The following CELF4 variants were observed in gnomAD, a reference collection of about 807,000 sequenced individuals.
The protein encoded by CELF4 is CUG-BP- and ETR-3-like factor 4.
A neutral mutation model predicts 59.9 loss-of-function variants in CELF4; 18 were observed. The ratio of observed to expected loss-of-function variants is 0.30; its 90% CI spans 0.21 to 0.45. The LOEUF is 0.45. Ranked by LOEUF, CELF4 falls within the 20% of genes least tolerant of loss-of-function variation. CELF4 has a pLI of 1.00. For missense variants in CELF4, 456 were observed against 689.0 expected, an observed-to-expected ratio of 0.66 and a Z score of 3.79; for synonymous variants, 261 against 267.1, an observed-to-expected ratio of 0.98 and a Z score of 0.22.
In CELF4 at chr18:37,284,649, C is replaced by T. The variant is rs75532827; in HGVS notation, c.449-9406G>A. ...CCCAGTCAACGCCACCTCCCTCCCC[C>T]GAGCTTGAGATGCCCTGCCCATGGC... On this transcript the variant is annotated intron_variant, in intron 3 of 12. Transcript: ENST00000420428. Among the ~76,000 whole-genome samples the T allele has an allele frequency of 4.5e-3, 687 of 152,338 alleles. 6 individuals carry two copies. The highest frequency in any genetic ancestry group is 0.016 in the African/African-American group (652 of 41,570).
At chr18:37,524,830 G>C (rs1023415212) in intron 1 of CELF4, among the ~76,000 whole-genome samples, 15 of 152,214 alleles carry the variant, frequency 9.9e-5, no homozygotes, top group African/African-American at 3.1e-4. Context: ...CGCGGCTCCC[G>C]GCAGCGACCG....
At chr18:37,432,285 G>A (rs2099671720) in intron 2 of CELF4, among the ~76,000 whole-genome samples, 1 of 152,248 alleles carries the variant, frequency 6.6e-6, no homozygotes, top group African/African-American at 2.4e-5. Context: ...ACAGGCTCCA[G>A]AGGCCCGGAG....
chr18:37,390,228 T>A (rs1177610373), intron 2 of CELF4, among the ~76,000 whole-genome samples: 1 of 151,862 alleles, frequency 6.6e-6, no homozygotes, highest in Non-Finnish European at 1.5e-5. Context: ...CCTGAAGGAG[T>A]GTGGCTGCGT....
chr18:37,418,752 A>G (rs1344326327), intron 2 of CELF4, among the ~76,000 whole-genome samples: 1 of 152,232 alleles, frequency 6.6e-6, no homozygotes, highest in Non-Finnish European at 1.5e-5. Flanking sequence ...GAGGAAGATC[A>G]TTGATCAGTT....
intron 2 of CELF4, among the ~76,000 whole-genome samples, chr18:37,363,239 A>C (rs553644300): frequency 6.6e-6 from 1 of 152,280 alleles, no homozygotes; most frequent in Admixed American, 6.5e-5. Flanking sequence ...TGCTCAAAAA[A>C]ATCCCATTAG....
intron 3 of CELF4, among the ~76,000 whole-genome samples, chr18:37,307,522 T>A (rs2096474585): frequency 1.3e-5 from 2 of 152,004 alleles, no homozygotes; most frequent in South Asian, 4.2e-4. Flanking sequence ...CTAATAGCCA[T>A]TAAATTATTA....
At chr18:37,310,947 G>A (rs904299178) in intron 3 of CELF4, among the ~76,000 whole-genome samples, 1 of 152,160 alleles carries the variant, frequency 6.6e-6, no homozygotes, top group South Asian at 2.1e-4. Flanking sequence ...CGATGGGATG[G>A]GACACGAGAA....
At chr18:37,410,746 C>G (rs1057508450) in intron 2 of CELF4, among the ~76,000 whole-genome samples, 1 of 152,126 alleles carries the variant, frequency 6.6e-6, no homozygotes, top group Non-Finnish European at 1.5e-5. Context: ...CCTGCACACC[C>G]CCGTCACCGC....
At chr18:37,517,704 G>A (rs953178464) in intron 1 of CELF4, among the ~76,000 whole-genome samples, 9 of 152,180 alleles carry the variant, frequency 5.9e-5, no homozygotes, top group African/African-American at 2.2e-4. Context: ...CTGGGAAAGG[G>A]CTCCTGGTGG....
At chr18:37,371,780 GC>G (rs1259345082) in intron 2 of CELF4, among the ~76,000 whole-genome samples, 1 of 152,164 alleles carries the variant, frequency 6.6e-6, no homozygotes, top group Non-Finnish European at 1.5e-5. Context: ...ATTAAGCAGT[GC>G]CCAGGCCCTG....
chr18:37,522,291 G>A (rs2099958373), intron 1 of CELF4, among the ~76,000 whole-genome samples: 1 of 152,126 alleles, frequency 6.6e-6, no homozygotes, highest in African/African-American at 2.4e-5. Flanking sequence ...TTAGCATAGT[G>A]ACCATGGTGA....
At chr18:37,322,857 G>A (rs930316023) in intron 2 of CELF4, among the ~76,000 whole-genome samples, 3 of 152,218 alleles carry the variant, frequency 2.0e-5, no homozygotes, top group African/African-American at 7.2e-5. Context: ...AGGTAGTGGG[G>A]CAGGTACAAA....
intron 3 of CELF4, among the ~76,000 whole-genome samples, chr18:37,304,835 C>A (rs755102078): frequency 1.3e-5 from 2 of 152,138 alleles, no homozygotes; most frequent in Non-Finnish European, 2.9e-5. Flanking sequence ...GGTGGCTCTC[C>A]GCAAAAGGGA....
chr18:37,408,459 G>GT lies in CELF4; in HGVS notation c.369+77065dup, dbSNP rs5824056. 4.1e-3 allele frequency among the ~76,000 whole-genome samples: 524 copies of GT among 126,788 alleles called. 3 individuals carry two copies. The highest frequency in any genetic ancestry group is 9.1e-3 in the African/African-American group (315 of 34,712). 83.2% of individuals were successfully genotyped at this position (126,788 alleles called of 152,430 possible). ...CTACACACATGGAAAAATCAAGAAG[G>GT]TTTTTTTTTTTTTTTCCCCCTTTGG... On this transcript the variant is annotated intron_variant, in intron 2 of 12. Coordinates refer to ENST00000420428, the MANE Select transcript of CELF4 (RefSeq NM_020180.4).
At chr18:37,275,571 G>T in intron 3 of CELF4, 1 of 348,084 alleles carries the variant, frequency 2.9e-6, no homozygotes, top group South Asian at 2.8e-5. Flanking sequence ...AGAGACCCTG[G>T]GCTGACCCCT....
intron 2 of CELF4, among the ~76,000 whole-genome samples, chr18:37,358,944 A>G (rs1398551438): frequency 6.6e-6 from 1 of 152,160 alleles, no homozygotes; most frequent in Non-Finnish European, 1.5e-5. Flanking sequence ...TCTACTAAAA[A>G]TACAAAAATT....
chr18:37,382,383 G>A (rs926334545), intron 2 of CELF4, among the ~76,000 whole-genome samples: 1 of 152,184 alleles, frequency 6.6e-6, no homozygotes, highest in East Asian at 1.9e-4. Flanking sequence ...GTCCAGAGAG[G>A]TTCAGACCTG....
chr18:37,375,914 G>A (rs896274858), intron 2 of CELF4, among the ~76,000 whole-genome samples: 2 of 152,154 alleles, frequency 1.3e-5, no homozygotes, highest in Admixed American at 1.3e-4. Context: ...GGCTGGAGGA[G>A]GCCTTTTTAA....
At chr18:37,545,905 C>T (rs1424005937) in intron 1 of CELF4, among the ~76,000 whole-genome samples, 1 of 152,178 alleles carries the variant, frequency 6.6e-6, no homozygotes, top group African/African-American at 2.4e-5. Flanking sequence ...ATGGCCCAGC[C>T]ATGCATCCAA....
Sources: gnomAD v4.1 joint callset for allele counts (sites outside exome capture counted in the v4.1 genomes callset) on GRCh38, gnomAD v4.1.1 for gene constraint, MANE v1.5 for transcripts, NCBI Gene and HGNC (gene_info 2026-07-23, HGNC 2026-07-21) for gene names.